AREL1: variants seen among roughly 807,000 people sequenced by gnomAD.
AREL1 encodes apoptosis resistant E3 ubiquitin protein ligase 1.
A neutral mutation model predicts 99.0 loss-of-function variants in AREL1; 62 were observed. The observed-to-expected ratio is 0.63, with a 90% CI of 0.51 to 0.77. The LOEUF is 0.77. Among genes scored for constraint, AREL1 ranks in the 30% least tolerant of loss-of-function variants. AREL1 has a pLI of 0.00. For synonymous variants in AREL1, 380 were observed against 376.5 expected (o/e 1.01, Z -0.11); for missense variants, 879 against 1,027.6 (o/e 0.86, Z 1.98).
At chr14:74,698,530 G>A (rs1313836342) in intron 1 of AREL1, among the ~76,000 whole-genome samples, 2 of 152,124 alleles carry the variant, frequency 1.3e-5, no homozygotes, top group African/African-American at 2.4e-5. Context: ...ACTGGGCTAC[G>A]TGATAAAAGC....
In AREL1 at chr14:74,683,406, T is replaced by C. The variant is rs752530354; in HGVS notation, c.371A>G (p.Asn124Ser). Residue 124 changes from asparagine to serine, a missense_variant, in exon 5 of 20, where the codon AAC becomes AGC. Coordinates refer to ENST00000356357, the MANE Select transcript of AREL1 (RefSeq NM_001039479.2). ...TQEVLQEPNSNVVKVAFTVRK... is the reference protein window; with the variant it reads ...TQEVLQEPNSSVVKVAFTVRK... ...CACAGTGAAGGCCACTTTTACTACG[T>C]TGGAATTGGGCTCCTGAAGGACTTC... 3 of 1,614,164 alleles carry C rather than the reference T, an allele frequency of 1.9e-6. No individual in the cohort carries two copies. The highest frequency in any genetic ancestry group is 1.7e-6 in the Non-Finnish European group (2 of 1,180,030).
chr14:74,693,231 T>C (rs1290787583), intron 1 of AREL1, among the ~76,000 whole-genome samples: 1 of 152,170 alleles, frequency 6.6e-6, no homozygotes, highest in Non-Finnish European at 1.5e-5. Flanking sequence ...AAGCCCAATC[T>C]ATCAGCCTAT....
At chr14:74,671,345 TGTG>T in intron 12 of AREL1, 60 bp downstream of exon 12, 1 of 390,678 alleles carries the variant, frequency 2.6e-6, no homozygotes, top group East Asian at 4.6e-5. Flanking sequence ...TTTTTTTTTT[TGTG>T]GAGAAGGTGC....
Position 74,670,102 on chromosome 14 carries a change from C to T in AREL1, c.1633G>A (p.Ala545Thr), listed in dbSNP as rs77043880. ...ALVHPNPNRP[A>T]HLRLKMYEFA... ...TCATACATTTTCAGGCGCAGATGAG[C>T]GGGGCGATTAGGGTTGGGATGCACC... The change falls in exon 14 of 20, where the codon GCT (alanine) becomes ACT (threonine). Residue 545 changes from alanine (A) to threonine (T), a missense_variant. Transcript: ENST00000356357. 1.1e-3 allele frequency: 1,761 copies of T among 1,611,560 alleles called. 13 individuals carry two copies. In the African/African-American group the frequency reaches 0.016, roughly 14 times the overall value.
At chr14:74,706,953 T>C (rs190593019) in intron 1 of AREL1, among the ~76,000 whole-genome samples, 1 of 152,320 alleles carries the variant, frequency 6.6e-6, no homozygotes, top group East Asian at 1.9e-4. Flanking sequence ...ACACTACCTA[T>C]GAAGTATTAC....
At position 74,675,718 on chromosome 14, in the gene AREL1, T is replaced by C. The variant is rs1434311987; in HGVS notation, c.1061A>G (p.Tyr354Cys). Residue 354 changes from tyrosine to cysteine, a missense_variant, in exon 8 of 20, where the codon TAC (tyrosine) becomes TGC (cysteine). Coordinates refer to ENST00000356357, the MANE Select transcript of AREL1 (RefSeq NM_001039479.2). ...PEKVKKPKKV[Y>C]CYVSPKQFSV... Reference sequence around the variant, plus strand: ...TCCAACCTTTGGTGACACATAGCAGTACACCTTCTTCGGTTTCTTCACCTT... The same window carrying C: ...TCCAACCTTTGGTGACACATAGCAGCACACCTTCTTCGGTTTCTTCACCTT... 3.7e-6 allele frequency: 6 copies of C among 1,614,152 alleles called. No homozygotes were observed. Among genetic ancestry groups the C allele is most frequent in the Non-Finnish European group, 5.1e-6 (6 of 1,180,012 alleles).
rs145219935 is a variant in AREL1, at chr14:74,673,706, G to A, written c.1158+328C>T. On this transcript the variant is annotated intron_variant, in intron 9 of 19. Coordinates refer to ENST00000356357, the MANE Select transcript of AREL1 (RefSeq NM_001039479.2). ...TATATGAGAGTGGTGCTTCTAAAAG[G>A]AGTTAGCTTCAGCACACTGGGAGAC... Among the ~76,000 whole-genome samples the A allele has an allele frequency of 3.9e-3, 589 of 152,266 alleles. 1 individual carries two copies. Among genetic ancestry groups the A allele is most frequent in the Non-Finnish European group, 6.3e-3 (430 of 68,034 alleles).
Position 74,713,033 on chromosome 14 carries a change from G to C in AREL1, c.-434C>G, listed in dbSNP as rs761506805. ...CGGGCTCCCCACTCTCCCACCAACAGACCCCAGAGTTGGTCTCCACCCGGC... is the reference window on the plus strand; with the variant it reads ...CGGGCTCCCCACTCTCCCACCAACACACCCCAGAGTTGGTCTCCACCCGGC... On this transcript the variant is annotated 5_prime_UTR_variant, in exon 1 of 20. Transcript: ENST00000356357. The C allele has an allele frequency of 5.9e-6, 7 of 1,183,022 alleles. No homozygotes were observed. The South Asian group carries it at 6.2e-5, about 10-fold the overall frequency. 73.3% of individuals were successfully genotyped at this position (1,183,022 alleles called of 1,614,324 possible).
chr14:74,678,688 G>A (rs968316335), intron 5 of AREL1, among the ~76,000 whole-genome samples: 13 of 86,942 alleles, frequency 1.5e-4, no homozygotes, highest in African/African-American at 5.0e-4. Flanking sequence ...GTAAAGACAT[G>A]TATAAGCAAA....
chr14:74,706,235 C>T (rs1002404527), intron 1 of AREL1, among the ~76,000 whole-genome samples: 1 of 152,108 alleles, frequency 6.6e-6, no homozygotes, highest in South Asian at 2.1e-4. Context: ...AAAAGTAATT[C>T]TTTGAACCTG....
intron 1 of AREL1, among the ~76,000 whole-genome samples, chr14:74,710,359 C>A (rs1414658122): frequency 2.6e-5 from 4 of 152,066 alleles, no homozygotes; most frequent in Non-Finnish European, 4.4e-5. Context: ...TACAAATGGC[C>A]TTTTTTTAAG....
At chr14:74,685,491 G>A (rs1161064352) in intron 3 of AREL1, 109 bp downstream of exon 3, 1 of 1,324,494 alleles carries the variant, frequency 7.6e-7, no homozygotes, top group Non-Finnish European at 1.1e-6. Context: ...GGCACGACTA[G>A]AAATATTTTC....
At chr14:74,669,614 A>G (rs375603700) in intron 15 of AREL1, 35 bp downstream of exon 15, 84 of 1,603,798 alleles carry the variant, frequency 5.2e-5, no homozygotes, top group Non-Finnish European at 7.1e-5. Flanking sequence ...GAAACTGGAG[A>G]ACATAGGACC....
At position 74,674,039 on chromosome 14, in the gene AREL1, T is replaced by C. The variant is rs374509831; in HGVS notation, c.1153A>G (p.Thr385Ala). The C allele has an allele frequency of 1.2e-6, 2 of 1,611,200 alleles. No individual in the cohort carries two copies. Among genetic ancestry groups the C allele is most frequent in the African/African-American group, 2.7e-5 (2 of 74,866 alleles). Residue 385 changes from threonine to alanine, a missense_variant, in exon 9 of 20, where the codon ACA (threonine) becomes GCA (alanine). Transcript: ENST00000356357. ...AGATGTAAGGTTCAGCTTACTTTTG[T>C]TCCTGGACACACTCGGAAGGTGTAA... ...RLYTFRVCPGTKFSYLGPDPV... is the reference protein window; with the variant it reads ...RLYTFRVCPGAKFSYLGPDPV...
rs2089477348 is a variant in AREL1 at position 74,676,435 on chromosome 14, C to T, written c.652-114G>A. On this transcript the variant is annotated intron_variant, in intron 6 of 19. Coordinates refer to ENST00000356357, the MANE Select transcript of AREL1 (RefSeq NM_001039479.2). ...TGATCTAATCTAAATCACAAAATTA[C>T]TAATGAGACAGGTATTGTCAGATGA... is the stretch of plus-strand genomic sequence containing the variant. 4 of 1,430,652 alleles carry T rather than the reference C, an allele frequency of 2.8e-6. No homozygotes were observed. In the Admixed American group the frequency reaches 8.5e-5, roughly 30 times the overall value. 88.6% of individuals were successfully genotyped at this position (1,430,652 alleles called of 1,614,324 possible). A position where few individuals can be genotyped will look rare whatever the true frequency, so the allele number is the denominator to read the frequency against.
chr14:74,698,546 T>C (rs2090017550), intron 1 of AREL1, among the ~76,000 whole-genome samples: 1 of 152,168 alleles, frequency 6.6e-6, no homozygotes, highest in Non-Finnish European at 1.5e-5. Context: ...AAAGCTAAAG[T>C]CACAAGGATA....
chr14:74,663,896 T>C lies in AREL1; in HGVS notation c.2369+3A>G. 2 of 1,614,204 alleles carry C rather than the reference T, an allele frequency of 1.2e-6. No homozygotes were observed. Among genetic ancestry groups the C allele is most frequent in the Non-Finnish European group, 1.7e-6 (2 of 1,180,018 alleles). ...GGCATGCATCAGGCGGGCAGATACC[T>C]ACCATGTGTGTGCAGTAGGCAGCGT... is the stretch of plus-strand genomic sequence containing the variant. On this transcript the variant is annotated splice_donor_region_variant and intron_variant, in intron 19 of 19. Transcript: ENST00000356357.
chr14:74,673,975 C>G, intron 9 of AREL1, 59 bp downstream of exon 9: 1 of 1,437,318 alleles, frequency 7.0e-7, no homozygotes, highest in Non-Finnish European at 9.7e-7. Flanking sequence ...AAATAAAAGG[C>G]TGAGATAGTC....
intron 2 of AREL1, among the ~76,000 whole-genome samples, chr14:74,687,064 G>T (rs1299808002): frequency 6.6e-6 from 1 of 152,210 alleles, no homozygotes; most frequent in Non-Finnish European, 1.5e-5. Flanking sequence ...TGCACTAGAT[G>T]ACTTGGTGGG....
Sources: gnomAD v4.1 joint callset for allele counts (sites outside exome capture counted in the v4.1 genomes callset) on GRCh38, gnomAD v4.1.1 for gene constraint, MANE v1.5 for transcripts, NCBI Gene and HGNC (gene_info 2026-07-23, HGNC 2026-07-21) for gene names.